Variants in PDE11A observed in about 807,000 individuals in gnomAD.
PDE11A encodes dual 3',5'-cyclic-AMP and -GMP phosphodiesterase 11A.
A neutral mutation model predicts 100.5 loss-of-function variants in PDE11A; 100 were observed. That is an observed-to-expected ratio of 1.00 (90% CI 0.85 to 1.18). PDE11A has a LOEUF of 1.18. Ranked by LOEUF, PDE11A falls within the 50% of genes most tolerant of loss-of-function variation. The probability of loss-of-function intolerance (pLI) is 0.00; values close to 1 mark genes in which losing one functional copy is unlikely to be tolerated. For synonymous variants in PDE11A, 381 were observed against 420.8 expected (o/e 0.91, Z 1.16); for missense variants, 1,141 against 1,152.6 (o/e 0.99, Z 0.15).
rs558632033 is a variant in PDE11A, at chr2:177,995,515, C to T, written c.1071+18787G>A. Among the ~76,000 whole-genome samples, 12 of 152,178 alleles carry T rather than the reference C, an allele frequency of 7.9e-5. No homozygotes were observed. The East Asian group carries it at 1.2e-3, about 15-fold the overall frequency. On this transcript the variant is annotated intron_variant, in intron 2 of 19. Transcript: ENST00000286063. The stretch of plus-strand genomic sequence containing the variant: ...CAGACTACTAGAAATGTCATTCAGG[C>T]GTTTGATTTGAATAGCAAACTTGAG...
Position 177,898,049 on chromosome 2 carries a change from A to G in PDE11A, c.1302+9T>C, listed in dbSNP as rs1312961415. 17 of 1,603,116 alleles carry G rather than the reference A, an allele frequency of 1.1e-5. No individual in the cohort carries two copies. Among genetic ancestry groups the G allele is most frequent in the East Asian group, 2.2e-5 (1 of 44,826 alleles). ...AGTCTTCAACTTTAAAAGATAAAAG[A>G]TAACTTACTGGTGATTCGATGTCCT... On this transcript the variant is annotated intron_variant, in intron 4 of 19. Transcript: ENST00000286063.
At chr2:178,026,642 C>T (rs1021113977) in intron 1 of PDE11A, among the ~76,000 whole-genome samples, 1 of 146,130 alleles carries the variant, frequency 6.8e-6, no homozygotes, top group African/African-American at 2.6e-5. Context: ...GCCTGTGCAA[C>T]AGAGCGAGAC....
chr2:177,872,618 G>A (rs1157652789), intron 5 of PDE11A, among the ~76,000 whole-genome samples: 1 of 152,150 alleles, frequency 6.6e-6, no homozygotes, highest in Non-Finnish European at 1.5e-5. Flanking sequence ...TTGTTACAAG[G>A]AGCCATAGAA....
intron 1 of PDE11A, among the ~76,000 whole-genome samples, chr2:178,060,480 G>A (rs80124358): frequency 0.066 from 10,062 of 152,166 alleles, 397 homozygotes; most frequent in Middle Eastern, 0.14. Context: ...GACAAACAGT[G>A]TTAAGCACTT....
In PDE11A at chr2:177,949,751, CAAAG is replaced by C. The variant is rs572887072; in HGVS notation, c.1072-44568_1072-44565del. On this transcript the variant is annotated intron_variant, in intron 2 of 19. Transcript: ENST00000286063. ...CCTAACCTAGCCTCATCACAGCACT[CAAAG>C]GAAGGAGCTGTTGGGTAACTGGGAA... Among the ~76,000 whole-genome samples the C allele has an allele frequency of 8.5e-5, 13 of 152,254 alleles. No individual in the cohort carries two copies. In the South Asian group the frequency reaches 2.7e-3, roughly 32 times the overall value.
chr2:177,640,762 C>T (rs1026537363), intron 19 of PDE11A, among the ~76,000 whole-genome samples: 9 of 152,190 alleles, frequency 5.9e-5, no homozygotes, highest in East Asian at 5.8e-4. Context: ...ACTCAGTGGA[C>T]GGACTGTTTA....
At chr2:177,987,890 A>C (rs1449778748) in intron 2 of PDE11A, among the ~76,000 whole-genome samples, 1 of 152,202 alleles carries the variant, frequency 6.6e-6, no homozygotes, top group East Asian at 1.9e-4. Context: ...AGTCTTTGTA[A>C]AGTCTTTCTT....
rs1485360419 is a variant in PDE11A, at chr2:177,711,879, C to G, written c.2044-1G>C. The G allele has an allele frequency of 6.3e-7, 1 of 1,576,060 alleles. No homozygotes were observed. The highest frequency in any genetic ancestry group is 8.7e-7 in the Non-Finnish European group (1 of 1,145,638). ...TCAGAATGTCTTGAAACCCAGCAGT[C>G]TGGGAAGAAGGGGAAAATGGCAACA... On this transcript the variant is annotated splice_acceptor_variant, in intron 12 of 19. Transcript: ENST00000286063. LOFTEE classifies it high-confidence loss of function.
chr2:178,076,534 A>G (rs2087209846), upstream of PDE11A, among the ~76,000 whole-genome samples: 1 of 152,118 alleles, frequency 6.6e-6, no homozygotes, highest in African/African-American at 2.4e-5. Flanking sequence ...CCAACCTCTG[A>G]TCTCATAGTT....
intron 9 of PDE11A, among the ~76,000 whole-genome samples, chr2:177,795,833 T>C (rs2082697629): frequency 6.6e-6 from 1 of 150,792 alleles, no homozygotes; most frequent in Admixed American, 6.6e-5. Context: ...AGACTCTGCA[T>C]CATCACATAC....
At chr2:177,847,392 T>C (rs2083618807) in intron 5 of PDE11A, among the ~76,000 whole-genome samples, 1 of 152,152 alleles carries the variant, frequency 6.6e-6, no homozygotes, top group Admixed American at 6.5e-5. Context: ...CCACCAGAGA[T>C]ATCAAAGGCC....
rs1450090923 is a variant in PDE11A at position 177,623,699 on chromosome 2, C to G, written c.*5708G>C. 6.6e-6 allele frequency: 1 copy of G among 152,060 alleles called. No homozygotes were observed. Among genetic ancestry groups the G allele is most frequent in the African/African-American group, 2.4e-5 (1 of 41,406 alleles). The allele number at this position is 152,060 out of a possible 1,614,324, so 9.4% of individuals were successfully genotyped here. The stretch of plus-strand genomic sequence containing the variant: ...ATGAACACAGATATAAACGGTGGCA[C>G]AAATAATACATTTTTCACAGCAAAT... On this transcript the variant is annotated 3_prime_UTR_variant, in exon 20 of 20. Transcript: ENST00000286063.
chr2:177,719,993 A>G (rs541351965), intron 12 of PDE11A, among the ~76,000 whole-genome samples: 8 of 152,132 alleles, frequency 5.3e-5, no homozygotes, highest in Non-Finnish European at 7.4e-5. Flanking sequence ...TGATGGTTCT[A>G]TAAGAAGGGT....
chr2:177,995,403 A>G (rs2086057728), intron 2 of PDE11A, among the ~76,000 whole-genome samples: 1 of 152,224 alleles, frequency 6.6e-6, no homozygotes, highest in Admixed American at 6.5e-5. Flanking sequence ...TAATTCTAAC[A>G]AAGGAATTTT....
At chr2:177,656,568 T>A (rs1186994500) in intron 19 of PDE11A, among the ~76,000 whole-genome samples, 1 of 152,244 alleles carries the variant, frequency 6.6e-6, no homozygotes, top group Non-Finnish European at 1.5e-5. Context: ...ATCCCATCAT[T>A]CACTTTTCTG....
chr2:177,813,833 G>GA (rs1249417754), intron 9 of PDE11A, among the ~76,000 whole-genome samples: 93 of 141,406 alleles, frequency 6.6e-4, no homozygotes, highest in African/African-American at 7.1e-4. Flanking sequence ...GTTGCTAACC[G>GA]GAAAAAAAAA....
intron 2 of PDE11A, among the ~76,000 whole-genome samples, chr2:177,936,917 C>T (rs1348210688): frequency 6.9e-6 from 1 of 145,004 alleles, no homozygotes; most frequent in Non-Finnish European, 1.5e-5. Context: ...AGAAGGATTC[C>T]ATCTTAAAAA....
At chr2:177,805,917 C>G (rs530442913) in intron 9 of PDE11A, among the ~76,000 whole-genome samples, 3 of 152,250 alleles carry the variant, frequency 2.0e-5, no homozygotes, top group Admixed American at 6.5e-5. Context: ...GAAGTCTAAA[C>G]AAATAAAATT....
intron 5 of PDE11A, among the ~76,000 whole-genome samples, chr2:177,854,215 G>C (rs2083787885): frequency 6.6e-6 from 1 of 151,800 alleles, no homozygotes; most frequent in Non-Finnish European, 1.5e-5. Flanking sequence ...CATTTTTATA[G>C]CTTTCATTCT....
Sources: gnomAD v4.1 joint callset for allele counts (sites outside exome capture counted in the v4.1 genomes callset) on GRCh38, gnomAD v4.1.1 for gene constraint, MANE v1.5 for transcripts, NCBI Gene and HGNC (gene_info 2026-07-23, HGNC 2026-07-21) for gene names.